Variants in ANKS1B observed in about 807,000 individuals in gnomAD.
ANKS1B encodes the protein ankyrin repeat and sterile alpha motif domain containing 1B.
In ANKS1B, 36 loss-of-function variants were observed where a neutral mutation model predicts 148.3. The observed-to-expected ratio is 0.24, with a 90% confidence interval of 0.19 to 0.32. The LOEUF is 0.32. Ranked by LOEUF, ANKS1B falls within the 10% of genes least tolerant of loss-of-function variation. ANKS1B has a pLI of 1.00. For synonymous variants in ANKS1B, 542 were observed against 560.8 expected, an observed-to-expected ratio of 0.97 and a Z score of 0.47; for missense variants, 1,157 against 1,542.6, an observed-to-expected ratio of 0.75 and a Z score of 4.19.
At chr12:99,666,281 C>T (rs1290621330) in intron 8 of ANKS1B, among the ~76,000 whole-genome samples, 1 of 152,204 alleles carries the variant, frequency 6.6e-6, no homozygotes, top group Admixed American at 6.5e-5. Context: ...TCTATGTTCT[C>T]TGCCTTTGCA....
chr12:99,050,541 A>G (rs1050584797), intron 17 of ANKS1B, among the ~76,000 whole-genome samples: 2 of 152,164 alleles, frequency 1.3e-5, no homozygotes, highest in Admixed American at 6.5e-5. Context: ...CATGCTTCAG[A>G]GGATTTTGGC....
chr12:99,635,547 T>C (rs1451115697), intron 9 of ANKS1B, among the ~76,000 whole-genome samples: 2 of 152,132 alleles, frequency 1.3e-5, no homozygotes, highest in Non-Finnish European at 1.5e-5. Flanking sequence ...GTATCTAGAG[T>C]AGTCAAATTC....
At chr12:99,150,091 G>T (rs1443796408) in intron 15 of ANKS1B, among the ~76,000 whole-genome samples, 1 of 152,280 alleles carries the variant, frequency 6.6e-6, no homozygotes, top group African/African-American at 2.4e-5. Flanking sequence ...AGGAGTGCTT[G>T]CTGCATGAAT....
intron 15 of ANKS1B, among the ~76,000 whole-genome samples, chr12:99,153,023 T>C (rs558598614): frequency 8.3e-4 from 126 of 152,238 alleles, no homozygotes; most frequent in Non-Finnish European, 1.5e-3. Flanking sequence ...AGTAGCTGCA[T>C]ATATCAGTAT....
intron 14 of ANKS1B, among the ~76,000 whole-genome samples, chr12:99,244,047 G>C (rs1413907300): frequency 6.7e-6 from 1 of 150,322 alleles, no homozygotes; most frequent in Admixed American, 6.6e-5. Flanking sequence ...AACCAACAGA[G>C]AGTTTGAAAT....
intron 19 of ANKS1B, among the ~76,000 whole-genome samples, chr12:98,814,408 C>T (rs371119414): frequency 7.9e-5 from 12 of 152,272 alleles, no homozygotes; most frequent in Non-Finnish European, 1.5e-4. Flanking sequence ...TAGTCACTAC[C>T]GTTATCCGTT....
intron 17 of ANKS1B, among the ~76,000 whole-genome samples, chr12:99,006,523 CA>C (rs1322103139): frequency 6.6e-6 from 1 of 152,090 alleles, no homozygotes; most frequent in Non-Finnish European, 1.5e-5. Flanking sequence ...GGTGCAATGC[CA>C]AGGGATAAAG....
chr12:99,722,105 A>C (rs1455943460), intron 8 of ANKS1B, among the ~76,000 whole-genome samples: 1 of 152,250 alleles, frequency 6.6e-6, no homozygotes, highest in Non-Finnish European at 1.5e-5. Flanking sequence ...AGGTTTAAGG[A>C]AAGAAGCCAT....
rs984216887 is a variant in ANKS1B at position 99,532,721 on chromosome 12, G to C, written c.1273-28080C>G. Among the ~76,000 whole-genome samples, 19 of 152,126 alleles carry C rather than the reference G, an allele frequency of 1.2e-4. 1 individual carries two copies. Among genetic ancestry groups the C allele is most frequent in the Admixed American group, 9.2e-4 (14 of 15,270 alleles). ...ATACATGGTGAGAGATAGGAATCCA[G>C]TTTTCATTCTTCTATACGTGGCTAT... On this transcript the variant is annotated intron_variant, in intron 9 of 26. Transcript: ENST00000683438.
chr12:99,790,520 C>A (rs747125845), intron 4 of ANKS1B, among the ~76,000 whole-genome samples: 26 of 151,866 alleles, frequency 1.7e-4, no homozygotes, highest in Non-Finnish European at 3.2e-4. Flanking sequence ...AAACACTAAA[C>A]AATGAACCAA....
Position 99,282,150 on chromosome 12 carries a change from T to C in ANKS1B, c.1757-35286A>G, listed in dbSNP as rs2078549864. Reference sequence around the variant, plus strand: ...TTTTGTGGTAGTCAGGAAAGCATCTTTGATAAAGCCATGTTTGAGTAGAGA... The same window carrying C: ...TTTTGTGGTAGTCAGGAAAGCATCTCTGATAAAGCCATGTTTGAGTAGAGA... On this transcript the variant is annotated intron_variant, in intron 12 of 26. Coordinates refer to ENST00000683438, the MANE Select transcript of ANKS1B (RefSeq NM_001352186.2). 2.0e-5 allele frequency among the ~76,000 whole-genome samples: 3 copies of C among 152,296 alleles called. No individual in the cohort carries two copies. In the South Asian group the frequency reaches 6.2e-4, roughly 32 times the overall value.
intron 17 of ANKS1B, among the ~76,000 whole-genome samples, chr12:99,033,110 T>G (rs774806500): frequency 8.5e-5 from 13 of 152,216 alleles, no homozygotes; most frequent in Non-Finnish European, 1.5e-4. Context: ...TTACACATTA[T>G]AGTCACCTGG....
rs935821290 is a variant in ANKS1B at position 99,092,971 on chromosome 12, G to C, written c.2527-7948C>G. On this transcript the variant is annotated intron_variant, in intron 15 of 26. Transcript: ENST00000683438. ...AGTCAAGTTCACAAGATAAGTATAGGATGGATCTGGGATCTGTGTTTTATT... is the reference window on the plus strand; with the variant it reads ...AGTCAAGTTCACAAGATAAGTATAGCATGGATCTGGGATCTGTGTTTTATT... Among the ~76,000 whole-genome samples the C allele has an allele frequency of 2.6e-5, 4 of 152,256 alleles. No individual in the cohort carries two copies. The East Asian group carries it at 7.7e-4, about 29-fold the overall frequency.
intron 17 of ANKS1B, among the ~76,000 whole-genome samples, chr12:99,004,516 A>G (rs1378434220): frequency 1.3e-5 from 2 of 152,182 alleles, no homozygotes; most frequent in East Asian, 1.9e-4. Context: ...GGTCAAACCC[A>G]AAGGGTATGG....
At chr12:98,864,946 G>A (rs1352083759) in intron 17 of ANKS1B, among the ~76,000 whole-genome samples, 1 of 152,114 alleles carries the variant, frequency 6.6e-6, no homozygotes, top group Non-Finnish European at 1.5e-5. Flanking sequence ...TGAAGATACT[G>A]TTTTCATCTT....
intron 11 of ANKS1B, among the ~76,000 whole-genome samples, chr12:99,440,913 G>A (rs947840792): frequency 4.6e-5 from 7 of 151,786 alleles, no homozygotes; most frequent in African/African-American, 1.5e-4. Context: ...AAGTTCTGCC[G>A]TTACCTCACC....
chr12:99,661,821 G>A (rs2098478967), intron 8 of ANKS1B, among the ~76,000 whole-genome samples: 1 of 152,284 alleles, frequency 6.6e-6, no homozygotes, highest in South Asian at 2.1e-4. Flanking sequence ...TTGCAGCTAG[G>A]TGTGACCACA....
Position 99,890,613 on chromosome 12 carries a change from G to A in ANKS1B, c.135-65224C>T, listed in dbSNP as rs1452544710. Among the ~76,000 whole-genome samples, 9 of 131,406 alleles carry A rather than the reference G, an allele frequency of 6.8e-5. No homozygotes were observed. In the Admixed American group the frequency reaches 7.4e-4, roughly 11 times the overall value. The allele number at this position is 131,406 out of a possible 152,430, so 86.2% of individuals were successfully genotyped here. ...TGTGTGTGTGTGTGTGTGTGTGTGT[G>A]TGTGTGTGTGTATTCTCTTGTTTCA... is the stretch of plus-strand genomic sequence containing the variant. On this transcript the variant is annotated intron_variant, in intron 1 of 26. Coordinates refer to ENST00000683438, the MANE Select transcript of ANKS1B (RefSeq NM_001352186.2).
intron 4 of ANKS1B, among the ~76,000 whole-genome samples, chr12:99,795,022 A>T (rs1438914498): frequency 6.6e-6 from 1 of 151,876 alleles, no homozygotes; most frequent in African/African-American, 2.4e-5. Flanking sequence ...ACAAATAAGC[A>T]AAGAAGGTAA....
Sources: gnomAD v4.1 joint callset for allele counts (sites outside exome capture counted in the v4.1 genomes callset) on GRCh38, gnomAD v4.1.1 for gene constraint, MANE v1.5 for transcripts, NCBI Gene and HGNC (gene_info 2026-07-23, HGNC 2026-07-21) for gene names.